DHRS3: variants seen among roughly 807,000 people sequenced by gnomAD.
The protein encoded by DHRS3 is dehydrogenase/reductase 3.
DHRS3 carries 14 observed loss-of-function variants against 27.2 expected under a neutral mutation model. That is an observed-to-expected ratio of 0.52 (90% CI 0.34 to 0.81). The LOEUF (loss-of-function observed/expected upper bound fraction) is 0.81. DHRS3 is among the 30% of genes least tolerant of loss of function. DHRS3 has a pLI of 0.01. For missense variants in DHRS3, 322 were observed against 406.2 expected, an observed-to-expected ratio of 0.79 and a Z score of 1.78; for synonymous variants, 165 against 175.9, an observed-to-expected ratio of 0.94 and a Z score of 0.49.
intron 1 of DHRS3, chr1:12,600,451 C>A: frequency 1.0e-6 from 1 of 952,978 alleles, no homozygotes; most frequent in Non-Finnish European, 1.2e-6. Context: ...ACTCTTAATT[C>A]TTTGGCATCT....
Position 12,617,387 on chromosome 1 carries a change from C to T in DHRS3, c.-39G>A. The T allele has an allele frequency of 1.3e-6, 2 of 1,579,588 alleles. No homozygotes were observed. Among genetic ancestry groups the T allele is most frequent in the Non-Finnish European group, 8.6e-7 (1 of 1,157,972 alleles). On this transcript the variant is annotated 5_prime_UTR_variant, in exon 1 of 6. Transcript: ENST00000616661. ...GAGCCGGGCAGGGGGCGAAACTCCC[C>T]GGGCCGAGCAATACAGGAATTAAAA...
chr1:12,599,508 A>T (rs1413172781), intron 1 of DHRS3, among the ~76,000 whole-genome samples: 1 of 152,240 alleles, frequency 6.6e-6, no homozygotes, highest in South Asian at 2.1e-4. Flanking sequence ...GAAAGCCTTC[A>T]GTGGCTCCCT....
At chr1:12,580,259 T>C (rs1646631501) in intron 2 of DHRS3, 2 of 494,844 alleles carry the variant, frequency 4.0e-6, no homozygotes, top group Non-Finnish European at 3.7e-6. Flanking sequence ...CAATGGGACA[T>C]TTGCCCCGCC....
Position 12,570,635 on chromosome 1 carries a change from G to A in DHRS3, c.824+2093C>T, listed in dbSNP as rs148667907. On this transcript the variant is annotated intron_variant, in intron 5 of 5. Coordinates refer to ENST00000616661, the MANE Select transcript of DHRS3 (RefSeq NM_004753.7). ...GGAAAATGAAGGCTGAGGGCTTACT[G>A]TGGAGAGCGCTGAGGTGTTCTAGAC... 1.5e-3 allele frequency among the ~76,000 whole-genome samples: 224 copies of A among 152,328 alleles called. 1 individual carries two copies. Among genetic ancestry groups the A allele is most frequent in the African/African-American group, 4.8e-3 (200 of 41,558 alleles).
chr1:12,578,832 G>T lies in DHRS3; in HGVS notation c.584C>A (p.Ala195Asp). ...AIDYCTSKAS[A>D]FAFMESLTLG... is the part of the protein sequence containing the mutation. The stretch of plus-strand genomic sequence containing the variant: ...GGTCAGGCTCTCCATGAAGGCGAAG[G>T]CTGACGCTTTGGATGTGCAGTAGTC... Residue 195 changes from alanine to aspartate, a missense_variant, in exon 4 of 6, where the codon GCC becomes GAC. Physicochemically the swap from Ala to Asp is moderately radical, Grantham distance 126 (BLOSUM62 -2). Transcript: ENST00000616661. The surrounding 1 kb of genome is among the most constrained non-coding windows in gnomAD (Gnocchi z 4.5). 1 of 1,614,074 alleles carries T rather than the reference G, an allele frequency of 6.2e-7. No homozygotes were observed. Among genetic ancestry groups the T allele is most frequent in the East Asian group, 2.2e-5 (1 of 44,888 alleles).
chr1:12,591,272 G>A lies in DHRS3; in HGVS notation c.196-10606C>T, dbSNP rs1187629217. On this transcript the variant is annotated intron_variant, in intron 1 of 5. Coordinates refer to ENST00000616661, the MANE Select transcript of DHRS3 (RefSeq NM_004753.7). This position sits in a 1 kb window ranked among gnomAD's most constrained non-coding sequence, Gnocchi z 4.1. ...CTGGGCCTGTCAGGGACTTCGGCTA[G>A]GTCCTTATGTGTCCTTCCTGTTCCT... Among the ~76,000 whole-genome samples the A allele has an allele frequency of 6.6e-6, 1 of 152,244 alleles. No homozygotes were observed. The highest frequency in any genetic ancestry group is 2.4e-5 in the African/African-American group (1 of 41,470).
chr1:12,585,056 TGTGA>T (rs1339036414), intron 1 of DHRS3, among the ~76,000 whole-genome samples: 2 of 151,648 alleles, frequency 1.3e-5, no homozygotes, highest in African/African-American at 2.4e-5. Flanking sequence ...TGTGTGTCTC[TGTGA>T]GTATGTGTGT....
chr1:12,608,564 C>T lies in DHRS3; in HGVS notation c.195+8590G>A, dbSNP rs1025974162. ...CTGGTGTCCTCTTTTCCTCCTGCCCCCTGCCCCTGCCCCTGCCTGTGTCAT... is the reference window on the plus strand; with the variant it reads ...CTGGTGTCCTCTTTTCCTCCTGCCCTCTGCCCCTGCCCCTGCCTGTGTCAT... On this transcript the variant is annotated intron_variant, in intron 1 of 5. Coordinates refer to ENST00000616661, the MANE Select transcript of DHRS3 (RefSeq NM_004753.7). This position sits in a 1 kb window ranked among gnomAD's most constrained non-coding sequence, Gnocchi z 4.1. 4.6e-5 allele frequency among the ~76,000 whole-genome samples: 7 copies of T among 152,156 alleles called. No homozygotes were observed. The highest frequency in any genetic ancestry group is 8.8e-5 in the Non-Finnish European group (6 of 68,024).
rs367735779 is a variant in DHRS3 at position 12,590,825 on chromosome 1, A to C, written c.196-10159T>G. Reference sequence around the variant, plus strand: ...CAAGCCTACCAGCCCTTCTGCTTCCAGTGCAGATCCACACTGATCACACTG... The same window carrying C: ...CAAGCCTACCAGCCCTTCTGCTTCCCGTGCAGATCCACACTGATCACACTG... On this transcript the variant is annotated intron_variant, in intron 1 of 5. Coordinates refer to ENST00000616661, the MANE Select transcript of DHRS3 (RefSeq NM_004753.7). Among the ~76,000 whole-genome samples the C allele has an allele frequency of 2.0e-5, 3 of 151,640 alleles. No homozygotes were observed. The East Asian group carries it at 5.8e-4, about 29-fold the overall frequency.
At chr1:12,615,763 T>C (rs1451146616) in intron 1 of DHRS3, among the ~76,000 whole-genome samples, 1 of 152,198 alleles carries the variant, frequency 6.6e-6, no homozygotes. Flanking sequence ...GGAGCCCTTT[T>C]ATGGGGCATC....
intron 4 of DHRS3, among the ~76,000 whole-genome samples, chr1:12,575,356 A>C (rs1477836437): frequency 2.0e-5 from 3 of 152,034 alleles, no homozygotes; most frequent in African/African-American, 7.2e-5. Flanking sequence ...AGGCTCAATA[A>C]ATAGCAATTT....
chr1:12,590,606 G>A (rs771482904), intron 1 of DHRS3, among the ~76,000 whole-genome samples: 6 of 151,922 alleles, frequency 3.9e-5, no homozygotes, highest in African/African-American at 9.7e-5. Context: ...CACCGTGCCC[G>A]ACCTAGAATA....
chr1:12,582,839 CTCCATCCATCCATCCA>C (rs1191707118), intron 1 of DHRS3, among the ~76,000 whole-genome samples: 1 of 143,304 alleles, frequency 7.0e-6, no homozygotes, highest in South Asian at 2.3e-4. Flanking sequence ...GTCTACCCAA[CTCCATCCATCCATCCA>C]TCCATCCATC....
chr1:12,569,237 A>T (rs1274378145), intron 5 of DHRS3, among the ~76,000 whole-genome samples: 2,405 of 142,664 alleles, frequency 0.017, 75 homozygotes, highest in African/African-American at 0.056. Flanking sequence ...TCTCTCACAC[A>T]CACACACACA....
rs1646949814 is a variant in DHRS3 at position 12,617,163 on chromosome 1, G to C, written c.186C>G (p.Gly62=). Residue 62 remains glycine (G), a synonymous_variant, in exon 1 of 6, where the codon GGC becomes GGG. Coordinates refer to ENST00000616661, the MANE Select transcript of DHRS3 (RefSeq NM_004753.7). ...TCGCAGTGCCTGGTACCTTTCTGGC[G>C]CCGCGCTCCGCGAACTCGCGGGCGA... ...RQLAREFAER[G]ARKIVLWGRT... 4.3e-6 allele frequency: 7 copies of C among 1,611,218 alleles called. No homozygotes were observed. Among genetic ancestry groups the C allele is most frequent in the Non-Finnish European group, 5.9e-6 (7 of 1,179,540 alleles).
Position 12,608,561 on chromosome 1 carries a change from C to A in DHRS3, c.195+8593G>T, listed in dbSNP as rs1229021710. On this transcript the variant is annotated intron_variant, in intron 1 of 5. Transcript: ENST00000616661. The surrounding 1 kb of genome is among the most constrained non-coding windows in gnomAD (Gnocchi z 4.1). ...ATGCTGGTGTCCTCTTTTCCTCCTG[C>A]CCCCTGCCCCTGCCCCTGCCTGTGT... 6.6e-6 allele frequency among the ~76,000 whole-genome samples: 1 copy of A among 152,142 alleles called. No individual in the cohort carries two copies. The highest frequency in any genetic ancestry group is 1.5e-5 in the Non-Finnish European group (1 of 68,028).
chr1:12,584,451 G>A (rs1646674476), intron 1 of DHRS3, among the ~76,000 whole-genome samples: 1 of 151,972 alleles, frequency 6.6e-6, no homozygotes, highest in Non-Finnish European at 1.5e-5. Context: ...CCTCTCCCTG[G>A]CACCATGATA....
At chr1:12,582,621 T>C (rs1300006094) in intron 1 of DHRS3, among the ~76,000 whole-genome samples, 2 of 152,072 alleles carry the variant, frequency 1.3e-5, no homozygotes, top group Non-Finnish European at 2.9e-5. Flanking sequence ...AAACATTTGT[T>C]CCAGGCAGGC....
intron 1 of DHRS3, among the ~76,000 whole-genome samples, chr1:12,605,080 A>AT (rs1298144369): frequency 1.7e-4 from 25 of 147,780 alleles, no homozygotes; most frequent in Non-Finnish European, 2.5e-4. Context: ...CTCCATCTCA[A>AT]AAAAAAAAAA....
Sources: allele counts gnomAD v4.1 joint callset (sites outside exome capture counted in the v4.1 genomes callset), GRCh38; gene constraint gnomAD v4.1.1; non-coding constraint Gnocchi (gnomAD v3.1); transcripts MANE v1.5; gene names NCBI Gene and HGNC (gene_info 2026-07-23, HGNC 2026-07-21).